Variants in AKT3 observed in about 807,000 individuals in gnomAD.
AKT3 encodes the protein RAC-gamma serine/threonine-protein kinase.
A neutral mutation model predicts 65.3 loss-of-function variants in AKT3; 15 were observed. That is an observed-to-expected ratio of 0.23 (90% CI 0.15 to 0.35). AKT3 has a LOEUF of 0.35. AKT3 is among the 10% of genes least tolerant of loss of function. AKT3 has a pLI of 1.00. For missense variants in AKT3, 243 were observed against 576.5 expected, an observed-to-expected ratio of 0.42 and a Z score of 5.92; for synonymous variants, 206 against 183.8, an observed-to-expected ratio of 1.12 and a Z score of -0.98.
intron 13 of AKT3, among the ~76,000 whole-genome samples, chr1:243,511,699 T>C (rs2148361724): frequency 6.6e-6 from 1 of 152,336 alleles, no homozygotes; most frequent in South Asian, 2.1e-4. Context: ...TGATCACCTT[T>C]TCCCTCATTA....
At chr1:243,628,985 T>C (rs1419581007) in intron 6 of AKT3, among the ~76,000 whole-genome samples, 5 of 152,180 alleles carry the variant, frequency 3.3e-5, no homozygotes, top group Non-Finnish European at 5.9e-5. Context: ...ACTAGACTAT[T>C]AAATGGATGT....
At chr1:243,717,022 G>A in intron 2 of AKT3, among the ~76,000 whole-genome samples, 1 of 152,030 alleles carries the variant, frequency 6.6e-6, no homozygotes, top group East Asian at 1.9e-4. Flanking sequence ...TCTGTCCCTG[G>A]TCTCTCTCCC....
chr1:243,684,861 G>T (rs1053583155), intron 3 of AKT3, among the ~76,000 whole-genome samples: 1 of 152,196 alleles, frequency 6.6e-6, no homozygotes. Context: ...TAACTGGCGT[G>T]GGATGGTATC....
At chr1:243,620,590 T>G (rs1440097001) in intron 6 of AKT3, among the ~76,000 whole-genome samples, 2 of 152,180 alleles carry the variant, frequency 1.3e-5, no homozygotes, top group Non-Finnish European at 2.9e-5. Context: ...TTCTAACTTT[T>G]GTTTCTTGAA....
intron 8 of AKT3, among the ~76,000 whole-genome samples, chr1:243,582,447 CAAAAAAAA>C (rs59718769): frequency 1.2e-4 from 12 of 101,522 alleles, no homozygotes; most frequent in African/African-American, 2.7e-4. Context: ...TTAGCTTTCT[CAAAAAAAA>C]AAAAAAAAAA....
chr1:243,616,330 A>AAAAAAAAC (rs1678312050), intron 6 of AKT3, among the ~76,000 whole-genome samples: 1 of 150,278 alleles, frequency 6.7e-6, no homozygotes, highest in Non-Finnish European at 1.5e-5. Flanking sequence ...AAAAAAAAAA[A>AAAAAAAAC]AAGCTCACAA....
chr1:243,780,279 AT>A (rs1690822690), intron 2 of AKT3, among the ~76,000 whole-genome samples: 1 of 152,136 alleles, frequency 6.6e-6, no homozygotes, highest in Admixed American at 6.5e-5. Flanking sequence ...GTGCCTCCTG[AT>A]TAAAGATTAT....
intron 2 of AKT3, among the ~76,000 whole-genome samples, chr1:243,782,070 C>T (rs1162825774): frequency 2.0e-5 from 3 of 152,198 alleles, no homozygotes; most frequent in Non-Finnish European, 4.4e-5. Context: ...GATCTGCCCA[C>T]CTTAGCCTCT....
At chr1:243,655,577 A>G (rs1462849995) in intron 4 of AKT3, among the ~76,000 whole-genome samples, 1 of 152,180 alleles carries the variant, frequency 6.6e-6, no homozygotes, top group Non-Finnish European at 1.5e-5. Flanking sequence ...ATCTTCTGTT[A>G]GAGTGAGTTT....
chr1:243,538,839 A>G (rs923364613), intron 12 of AKT3, among the ~76,000 whole-genome samples: 1 of 152,092 alleles, frequency 6.6e-6, no homozygotes, highest in Non-Finnish European at 1.5e-5. Flanking sequence ...CTTAAAAAAA[A>G]AAAGAAAAAG....
chr1:243,708,419 T>C (rs541351081), intron 2 of AKT3, among the ~76,000 whole-genome samples: 1 of 152,084 alleles, frequency 6.6e-6, no homozygotes, highest in East Asian at 1.9e-4. Context: ...ACCTAACACA[T>C]AGAAATTTCA....
chr1:243,788,677 C>CA (rs1323261250), intron 2 of AKT3: 3 of 152,240 alleles, frequency 2.0e-5, no homozygotes, highest in Admixed American at 2.0e-4. Context: ...TGTGTAACAG[C>CA]ATTATGATTT....
chr1:243,663,047 C>T (rs1682489797), intron 4 of AKT3, among the ~76,000 whole-genome samples: 1 of 152,098 alleles, frequency 6.6e-6, no homozygotes, highest in African/African-American at 2.4e-5. Context: ...TATATATTGA[C>T]ATGGGAAAAG....
intron 8 of AKT3, among the ~76,000 whole-genome samples, chr1:243,579,707 A>C (rs908822755): frequency 2.0e-5 from 3 of 152,252 alleles, no homozygotes; most frequent in Non-Finnish European, 4.4e-5. Context: ...AAATTGACTT[A>C]TATAACTACA....
At chr1:243,572,123 T>C (rs2148505196) in intron 9 of AKT3, among the ~76,000 whole-genome samples, 1 of 152,346 alleles carries the variant, frequency 6.6e-6, no homozygotes, top group Middle Eastern at 3.4e-3. Context: ...ATTCCTTTAA[T>C]GTCGCCAACC....
rs1294383045 is a variant in AKT3 at position 243,503,720 on chromosome 1, TTTG to T, written c.*1526_*1528del. ...AGAAAAGCTGGAGGTGTTCTCTTTTTTTGTTGTTTTTTCCCTGATGGCTTAATT... is the reference window on the plus strand; with the variant it reads ...AGAAAAGCTGGAGGTGTTCTCTTTTTTTGTTTTTTCCCTGATGGCTTAATT... On this transcript the variant is annotated 3_prime_UTR_variant, in exon 14 of 14. Transcript: ENST00000673466. 1 of 231,980 alleles carries T rather than the reference TTTG, an allele frequency of 4.3e-6. No homozygotes were observed. Among genetic ancestry groups the T allele is most frequent in the South Asian group, 1.8e-4 (1 of 5,526 alleles). The allele number at this position is 231,980 out of a possible 1,614,324, so 14.4% of individuals were successfully genotyped here.
chr1:243,727,354 T>C (rs1239589601), intron 2 of AKT3, among the ~76,000 whole-genome samples: 1 of 152,124 alleles, frequency 6.6e-6, no homozygotes, highest in Non-Finnish European at 1.5e-5. Flanking sequence ...AGTGCGATGG[T>C]ACAATCTCAG....
intron 4 of AKT3, among the ~76,000 whole-genome samples, chr1:243,658,744 T>G (rs542800817): frequency 3.4e-5 from 5 of 148,258 alleles, no homozygotes; most frequent in African/African-American, 1.2e-4. Context: ...GATGAATGAA[T>G]AAAGAAAATG....
At chr1:243,810,329 C>G (rs1298473385) in intron 2 of AKT3, among the ~76,000 whole-genome samples, 1 of 151,996 alleles carries the variant, frequency 6.6e-6, no homozygotes, top group African/African-American at 2.4e-5. Flanking sequence ...CACAATAAAA[C>G]ATGATAAAGG....
Sources: allele counts gnomAD v4.1 joint callset (sites outside exome capture counted in the v4.1 genomes callset), GRCh38; gene constraint gnomAD v4.1.1; transcripts MANE v1.5; gene names NCBI Gene and HGNC (gene_info 2026-07-23, HGNC 2026-07-21).